AEBP2: variants seen among roughly 807,000 people sequenced by gnomAD.
AEBP2 encodes AE binding protein 2.
A neutral mutation model predicts 50.8 loss-of-function variants in AEBP2; 10 were observed. That is an observed-to-expected ratio of 0.20 (90% CI 0.12 to 0.33). AEBP2 has a LOEUF of 0.33. AEBP2 is among the 10% of genes least tolerant of loss of function. AEBP2 has a pLI of 1.00. For synonymous variants in AEBP2, 296 were observed against 261.3 expected (o/e 1.13, Z -1.28); for missense variants, 570 against 688.0 (o/e 0.83, Z 1.92).
rs111249607 is a variant in AEBP2, at chr12:19,505,605, C to G, written c.1299+5384C>G. On this transcript the variant is annotated intron_variant, in intron 5 of 7. Transcript: ENST00000266508. The stretch of plus-strand genomic sequence containing the variant: ...TTGAGGTGGGACAACAGTGAGTAGG[C>G]AGAGTAGGCAGCGTAGCTGGAGGGA... 2.8e-3 allele frequency among the ~76,000 whole-genome samples: 433 copies of G among 152,194 alleles called. 1 individual carries two copies. Among genetic ancestry groups the G allele is most frequent in the African/African-American group, 9.9e-3 (409 of 41,498 alleles).
chr12:19,436,949 A>G (rs993551978), upstream of AEBP2, among the ~76,000 whole-genome samples: 23 of 152,012 alleles, frequency 1.5e-4, no homozygotes, highest in African/African-American at 5.3e-4. Flanking sequence ...CTGAGAAGCA[A>G]AGTCTCTCAC....
chr12:19,476,215 G>C (rs890292562), intron 3 of AEBP2, among the ~76,000 whole-genome samples: 1 of 152,142 alleles, frequency 6.6e-6, no homozygotes, highest in African/African-American at 2.4e-5. Flanking sequence ...TTAAGTCTTT[G>C]CTCCATCTTG....
intron 3 of AEBP2, among the ~76,000 whole-genome samples, chr12:19,488,003 A>G (rs1352406327): frequency 1.3e-5 from 2 of 152,286 alleles, no homozygotes; most frequent in East Asian, 1.9e-4. Flanking sequence ...AGCCTTGCAC[A>G]TTGCATATGT....
rs1592793819 is a variant in AEBP2 at position 19,521,916 on chromosome 12, C to CT, written c.*3802dup. The CT allele has an allele frequency of 6.6e-6, 1 of 151,756 alleles. No homozygotes were observed. Among genetic ancestry groups the CT allele is most frequent in the East Asian group, 1.9e-4 (1 of 5,190 alleles). 9.4% of individuals were successfully genotyped at this position (151,756 alleles called of 1,614,324 possible). A position where few individuals can be genotyped will look rare whatever the true frequency, so the allele number is the denominator to read the frequency against. On this transcript the variant is annotated 3_prime_UTR_variant, in exon 8 of 8. Coordinates refer to ENST00000266508, the MANE Select transcript of AEBP2 (RefSeq NM_153207.5). ...TTAATCACAACTTAAAAAAAGAAACCTTTAATACCTCTGCATAAGTTCTCT... is the reference window on the plus strand; with the variant it reads ...TTAATCACAACTTAAAAAAAGAAACCTTTTAATACCTCTGCATAAGTTCTCT...
intron 5 of AEBP2, among the ~76,000 whole-genome samples, chr12:19,504,136 GT>G (rs1442855650): frequency 6.6e-6 from 1 of 151,828 alleles, no homozygotes; most frequent in Non-Finnish European, 1.5e-5. Context: ...TATGTTTTTA[GT>G]TACTGCATAA....
At chr12:19,449,768 AT>A (rs1226999173) in intron 1 of AEBP2, among the ~76,000 whole-genome samples, 1 of 151,958 alleles carries the variant, frequency 6.6e-6, no homozygotes, top group African/African-American at 2.4e-5. Context: ...CTTCCAGTTA[AT>A]TTTTTTTGAA....
At chr12:19,475,864 G>A (rs1948642123) in intron 3 of AEBP2, among the ~76,000 whole-genome samples, 1 of 151,938 alleles carries the variant, frequency 6.6e-6, no homozygotes, top group African/African-American at 2.4e-5. Flanking sequence ...ACTTTTCGAT[G>A]GGATTATTAT....
intron 1 of AEBP2, chr12:19,457,414 T>G: frequency 1.3e-6 from 2 of 1,490,562 alleles, no homozygotes; most frequent in Non-Finnish European, 1.8e-6. Flanking sequence ...TTCTCAAATT[T>G]CCACAAGGAG....
intron 3 of AEBP2, among the ~76,000 whole-genome samples, chr12:19,478,939 T>C (rs928142209): frequency 6.6e-6 from 1 of 152,176 alleles, no homozygotes; most frequent in African/African-American, 2.4e-5. Context: ...ATGTATATCC[T>C]GGCCAGGCAT....
At chr12:19,410,904 G>C (rs183266667) in intron 1 of AEBP2, among the ~76,000 whole-genome samples, 1 of 152,094 alleles carries the variant, frequency 6.6e-6, no homozygotes, top group Non-Finnish European at 1.5e-5. Flanking sequence ...AAGGAGGGAC[G>C]GCTTAACTTG....
At chr12:19,507,183 T>C (rs757839579) in intron 5 of AEBP2, among the ~76,000 whole-genome samples, 3 of 152,160 alleles carry the variant, frequency 2.0e-5, no homozygotes, top group Non-Finnish European at 4.4e-5. Context: ...GCATAAGGAT[T>C]GAAGTGTTTG....
chr12:19,474,680 TACAC>T (rs1948621677), intron 3 of AEBP2, among the ~76,000 whole-genome samples: 1 of 152,218 alleles, frequency 6.6e-6, no homozygotes, highest in Non-Finnish European at 1.5e-5. Context: ...CAGCTTTAAA[TACAC>T]AGATTACTTG....
chr12:19,475,384 C>A (rs1275715808), intron 3 of AEBP2, among the ~76,000 whole-genome samples: 1 of 152,096 alleles, frequency 6.6e-6, no homozygotes, highest in Non-Finnish European at 1.5e-5. Flanking sequence ...ATCCAGGTTT[C>A]TGTGAAAGCC....
intron 5 of AEBP2, among the ~76,000 whole-genome samples, chr12:19,502,240 T>TC: frequency 6.6e-6 from 1 of 152,184 alleles, no homozygotes; most frequent in South Asian, 2.1e-4. Flanking sequence ...GTTCAAGCGA[T>TC]CCCCCTCCCT....
chr12:19,488,097 C>G (rs1253436087), intron 3 of AEBP2, among the ~76,000 whole-genome samples: 1 of 151,238 alleles, frequency 6.6e-6, no homozygotes, highest in Middle Eastern at 3.2e-3. Flanking sequence ...TCATTTTTTA[C>G]ATAAGGAACT....
At chr12:19,462,156 C>A (rs1948390349) in intron 1 of AEBP2, among the ~76,000 whole-genome samples, 1 of 152,058 alleles carries the variant, frequency 6.6e-6, no homozygotes, top group Non-Finnish European at 1.5e-5. Flanking sequence ...GAAACTCTTA[C>A]TTTCTTATGC....
chr12:19,463,630 A>G (rs568769309), intron 2 of AEBP2, among the ~76,000 whole-genome samples: 4 of 149,458 alleles, frequency 2.7e-5, no homozygotes, highest in East Asian at 3.9e-4. Flanking sequence ...AACCGGGTCA[A>G]CGTTTCTAAC....
At chr12:19,517,401 A>G (rs954475639) in intron 7 of AEBP2, among the ~76,000 whole-genome samples, 1 of 152,218 alleles carries the variant, frequency 6.6e-6, no homozygotes, top group Non-Finnish European at 1.5e-5. Context: ...CCAACTGCAT[A>G]TCAAAGCTAT....
At chr12:19,476,367 A>C (rs928473989) in intron 3 of AEBP2, among the ~76,000 whole-genome samples, 2 of 152,030 alleles carry the variant, frequency 1.3e-5, no homozygotes, top group African/African-American at 2.4e-5. Flanking sequence ...TTTGAGACTG[A>C]GTCTCGCTCT....
Sources: allele counts gnomAD v4.1 joint callset (sites outside exome capture counted in the v4.1 genomes callset), GRCh38; gene constraint gnomAD v4.1.1; transcripts MANE v1.5; gene names NCBI Gene and HGNC (gene_info 2026-07-23, HGNC 2026-07-21).